The following PRKG1 variants were observed in gnomAD, a reference collection of about 807,000 sequenced individuals.
The protein encoded by PRKG1 is protein kinase cGMP-dependent 1.
A neutral mutation model predicts 88.1 loss-of-function variants in PRKG1; 35 were observed. That is an observed-to-expected ratio of 0.40 (90% CI 0.30 to 0.53). PRKG1 has a LOEUF of 0.53. PRKG1 is among the 20% of genes least tolerant of loss of function. PRKG1 has a pLI of 0.59. For synonymous variants in PRKG1, 303 were observed against 292.5 expected (o/e 1.04, Z -0.37); for missense variants, 540 against 839.8 (o/e 0.64, Z 4.41).
intron 3 of PRKG1, among the ~76,000 whole-genome samples, chr10:51,501,383 C>G (rs1449203535): frequency 6.6e-6 from 1 of 152,124 alleles, no homozygotes; most frequent in Admixed American, 6.6e-5. Context: ...TTTCGAAGTT[C>G]AGGGAGAAGA....
At chr10:51,557,744 G>C (rs1304513668) in intron 3 of PRKG1, among the ~76,000 whole-genome samples, 1 of 151,982 alleles carries the variant, frequency 6.6e-6, no homozygotes. Context: ...GAACCTGAAT[G>C]ATGACCTTAA....
intron 2 of PRKG1, among the ~76,000 whole-genome samples, chr10:51,386,402 T>C (rs1384308801): frequency 6.6e-6 from 1 of 152,096 alleles, no homozygotes; most frequent in African/African-American, 2.4e-5. Context: ...GATGGTGTAA[T>C]TGAGTCTGAG....
At chr10:51,370,378 G>C (rs1842676770) in intron 2 of PRKG1, among the ~76,000 whole-genome samples, 3 of 152,018 alleles carry the variant, frequency 2.0e-5, no homozygotes, top group African/African-American at 7.2e-5. Context: ...TTTCCTAGCG[G>C]GATGAGAGTC....
At chr10:51,885,664 C>T (rs565404956) in intron 4 of PRKG1, among the ~76,000 whole-genome samples, 12 of 152,274 alleles carry the variant, frequency 7.9e-5, no homozygotes, top group Admixed American at 5.2e-4. Context: ...TTCACACCTC[C>T]GTGTCTTTAT....
intron 3 of PRKG1, among the ~76,000 whole-genome samples, chr10:51,571,488 A>T (rs1038103995): frequency 6.6e-6 from 1 of 151,916 alleles, no homozygotes; most frequent in African/African-American, 2.4e-5. Flanking sequence ...AGTGATATTT[A>T]TGTTATATTA....
chr10:52,005,746 C>A (rs1453822624), intron 5 of PRKG1, among the ~76,000 whole-genome samples: 1 of 152,130 alleles, frequency 6.6e-6, no homozygotes, highest in Non-Finnish European at 1.5e-5. Context: ...TCAGGGTGGG[C>A]AGGTCCACCA....
intron 2 of PRKG1, among the ~76,000 whole-genome samples, chr10:51,270,965 A>G (rs1212050397): frequency 6.6e-6 from 1 of 152,230 alleles, no homozygotes; most frequent in East Asian, 1.9e-4. Flanking sequence ...AGATCTGAGA[A>G]TTATTGGCTT....
chr10:51,905,163 A>G (rs1270118985), intron 4 of PRKG1, among the ~76,000 whole-genome samples: 1 of 152,170 alleles, frequency 6.6e-6, no homozygotes, highest in Admixed American at 6.6e-5. Flanking sequence ...AGCTTCCTCT[A>G]TCTCCTTCTG....
intron 10 of PRKG1, among the ~76,000 whole-genome samples, chr10:52,253,858 A>C (rs776449905): frequency 2.0e-5 from 3 of 151,876 alleles, no homozygotes; most frequent in Non-Finnish European, 4.4e-5. Flanking sequence ...CTACATCGGG[A>C]CGGAGTGCAC....
intron 3 of PRKG1, among the ~76,000 whole-genome samples, chr10:51,730,779 GA>G (rs1430444430): frequency 6.6e-6 from 1 of 152,194 alleles, no homozygotes; most frequent in Non-Finnish European, 1.5e-5. Context: ...TTTAAAGAGG[GA>G]AAATTAAACC....
chr10:51,308,802 G>A (rs767536251), intron 2 of PRKG1, among the ~76,000 whole-genome samples: 9 of 152,094 alleles, frequency 5.9e-5, no homozygotes, highest in African/African-American at 1.2e-4. Flanking sequence ...TTTTAGGACC[G>A]GCAAGCTCAG....
In PRKG1 at chr10:51,812,814, C is replaced by T. The variant is rs188248974; in HGVS notation, c.698+8124C>T. ...GAGGTACCCATTTATTGATCTTTTT[C>T]ACCTTTCCAATTTGCTTCAAATGAC... On this transcript the variant is annotated intron_variant, in intron 4 of 17. Coordinates refer to ENST00000373980, the MANE Select transcript of PRKG1 (RefSeq NM_006258.4). Among the ~76,000 whole-genome samples, 471 of 152,140 alleles carry T rather than the reference C, an allele frequency of 3.1e-3. 5 individuals carry two copies. Among genetic ancestry groups the T allele is most frequent in the African/African-American group, 0.011 (450 of 41,512 alleles).
At chr10:51,729,176 C>T (rs1842210891) in intron 3 of PRKG1, among the ~76,000 whole-genome samples, 1 of 152,120 alleles carries the variant, frequency 6.6e-6, no homozygotes. Context: ...TGTGAACTGT[C>T]CATTTGTCTT....
intron 5 of PRKG1, among the ~76,000 whole-genome samples, chr10:52,005,847 C>A (rs1296078598): frequency 1.3e-5 from 2 of 152,042 alleles, no homozygotes; most frequent in Non-Finnish European, 2.9e-5. Context: ...TCAGTTGCAA[C>A]CTCATGTTTT....
intron 5 of PRKG1, chr10:51,909,177 A>T (rs11812230): frequency 0.19 from 28,278 of 152,176 alleles, 3,100 homozygotes; most frequent in East Asian, 0.49. Context: ...ATTGACGTGA[A>T]GAAGACTGGA....
chr10:51,882,752 C>A (rs910907747), intron 4 of PRKG1, among the ~76,000 whole-genome samples: 12 of 152,194 alleles, frequency 7.9e-5, no homozygotes, highest in African/African-American at 2.9e-4. Flanking sequence ...GATGAATTTT[C>A]TCTCAGAAGA....
intron 3 of PRKG1, among the ~76,000 whole-genome samples, chr10:51,611,198 T>G (rs1589129660): frequency 6.6e-6 from 1 of 152,174 alleles, no homozygotes; most frequent in East Asian, 1.9e-4. Context: ...TGAGAAATCT[T>G]CAAACTGTTT....
At chr10:51,581,716 A>G (rs993429017) in intron 3 of PRKG1, among the ~76,000 whole-genome samples, 2 of 151,934 alleles carry the variant, frequency 1.3e-5, no homozygotes, top group Non-Finnish European at 1.5e-5. Flanking sequence ...AATAATCAGG[A>G]GCATTTCATC....
chr10:52,060,700 G>C (rs1162386599), intron 6 of PRKG1, among the ~76,000 whole-genome samples: 1 of 151,780 alleles, frequency 6.6e-6, no homozygotes, highest in African/African-American at 2.4e-5. Flanking sequence ...TTCATCCATT[G>C]ATGGTAGGAA....
Sources: allele counts gnomAD v4.1 joint callset (sites outside exome capture counted in the v4.1 genomes callset), GRCh38; gene constraint gnomAD v4.1.1; transcripts MANE v1.5; gene names NCBI Gene and HGNC (gene_info 2026-07-23, HGNC 2026-07-21).